The following CHN2 variants were observed in gnomAD, a reference collection of about 807,000 sequenced individuals.
CHN2 encodes beta-chimaerin.
In CHN2, 35 loss-of-function variants were observed where a neutral mutation model predicts 56.3. That is an observed-to-expected ratio of 0.62 (90% confidence interval 0.47 to 0.82). The LOEUF is 0.82. CHN2 is among the 40% of genes least tolerant of loss of function. CHN2 has a pLI of 0.00. For missense variants in CHN2, 491 were observed against 580.5 expected, an observed-to-expected ratio of 0.85 and a Z score of 1.58; for synonymous variants, 210 against 212.8, an observed-to-expected ratio of 0.99 and a Z score of 0.12.
intron 6 of CHN2, among the ~76,000 whole-genome samples, chr7:29,402,640 A>G (rs1007173726): frequency 6.6e-6 from 1 of 152,214 alleles, no homozygotes; most frequent in Non-Finnish European, 1.5e-5. Flanking sequence ...TGAAAAGGCA[A>G]TCTGTTACAA....
At chr7:29,357,078 C>T (rs570978541) in intron 2 of CHN2, among the ~76,000 whole-genome samples, 1 of 152,170 alleles carries the variant, frequency 6.6e-6, no homozygotes, top group East Asian at 1.9e-4. Flanking sequence ...CTTAAAAGTA[C>T]TTCTATGTCT....
At chr7:29,366,427 G>GGGT (rs1256652290) in intron 2 of CHN2, among the ~76,000 whole-genome samples, 1 of 152,158 alleles carries the variant, frequency 6.6e-6, no homozygotes, top group African/African-American at 2.4e-5. Flanking sequence ...AAGACCAGGA[G>GGGT]GGTGGTGCCA....
At chr7:29,418,072 A>G (rs1452357854) in intron 6 of CHN2, among the ~76,000 whole-genome samples, 1 of 152,228 alleles carries the variant, frequency 6.6e-6, no homozygotes, top group East Asian at 1.9e-4. Context: ...GAGATGAAGG[A>G]TTGCTGGAGC....
chr7:29,317,771 C>A (rs1795062084), intron 1 of CHN2, among the ~76,000 whole-genome samples: 1 of 152,060 alleles, frequency 6.6e-6, no homozygotes, highest in Non-Finnish European at 1.5e-5. Flanking sequence ...GGTGGATCAC[C>A]TGAGCTCAGG....
At chr7:29,470,850 C>T (rs1209888650) in intron 6 of CHN2, among the ~76,000 whole-genome samples, 1 of 152,174 alleles carries the variant, frequency 6.6e-6, no homozygotes, top group African/African-American at 2.4e-5. Context: ...TGTAGGAAAA[C>T]CCACATGTCA....
intron 1 of CHN2, among the ~76,000 whole-genome samples, chr7:29,318,831 A>G (rs1425000753): frequency 1.3e-5 from 2 of 152,234 alleles, no homozygotes; most frequent in East Asian, 3.8e-4. Context: ...GGGCCTAACA[A>G]TAGAGAAGAA....
chr7:29,484,443 A>C (rs1425323973), intron 7 of CHN2, among the ~76,000 whole-genome samples: 1 of 152,176 alleles, frequency 6.6e-6, no homozygotes, highest in East Asian at 1.9e-4. Context: ...GAGGCTCTGA[A>C]AGAGAAACTG....
intron 6 of CHN2, among the ~76,000 whole-genome samples, chr7:29,443,250 G>C (rs1406025990): frequency 6.6e-6 from 1 of 151,772 alleles, no homozygotes; most frequent in African/African-American, 2.4e-5. Context: ...CAATTTCATT[G>C]AATTTCTAAC....
chr7:29,492,492 A>G (rs1788772890), intron 7 of CHN2, among the ~76,000 whole-genome samples: 1 of 151,902 alleles, frequency 6.6e-6, no homozygotes, highest in Non-Finnish European at 1.5e-5. Flanking sequence ...AAACTCCATC[A>G]TTTCTCAACT....
chr7:29,300,241 G>A (rs1793551209), intron 1 of CHN2, among the ~76,000 whole-genome samples: 1 of 152,180 alleles, frequency 6.6e-6, no homozygotes, highest in Non-Finnish European at 1.5e-5. Context: ...TGTAGGATGA[G>A]GGAACCAGAT....
chr7:29,395,241 G>T (rs1173886765), intron 4 of CHN2, among the ~76,000 whole-genome samples: 1 of 152,180 alleles, frequency 6.6e-6, no homozygotes. Flanking sequence ...AATAAATTAT[G>T]GCTGGGCACA....
chr7:29,331,877 T>C (rs1344151650), intron 1 of CHN2, among the ~76,000 whole-genome samples: 1 of 152,014 alleles, frequency 6.6e-6, no homozygotes, highest in African/African-American at 2.4e-5. Context: ...CTGACCAACA[T>C]GGCACGTGCC....
chr7:29,502,831 A>G (rs1790121965), intron 9 of CHN2, among the ~76,000 whole-genome samples: 2 of 151,976 alleles, frequency 1.3e-5, no homozygotes, highest in South Asian at 4.2e-4. Flanking sequence ...TGCTGCACCT[A>G]TCAACCTGTC....
At chr7:29,439,538 TC>T (rs1224176615) in intron 6 of CHN2, among the ~76,000 whole-genome samples, 2 of 152,168 alleles carry the variant, frequency 1.3e-5, no homozygotes, top group African/African-American at 4.8e-5. Context: ...AAGAAGGTCT[TC>T]TTCAGCTGAC....
Position 29,194,896 on chromosome 7 carries a change from G to A in CHN2, c.-46G>A. The stretch of plus-strand genomic sequence containing the variant: ...GCCGGGCGAGGGCAGCGGCGGCGGC[G>A]TCCGCACCGGGGCTGAGCGAGCAGC... On this transcript the variant is annotated 5_prime_UTR_variant, in exon 1 of 13. Coordinates refer to ENST00000222792, the MANE Select transcript of CHN2 (RefSeq NM_004067.4). 1 of 1,442,932 alleles carries A rather than the reference G, an allele frequency of 6.9e-7. No individual in the cohort carries two copies. Among genetic ancestry groups the A allele is most frequent in the East Asian group, 2.9e-5 (1 of 34,272 alleles). The allele number at this position is 1,442,932 out of a possible 1,614,324, so 89.4% of individuals were successfully genotyped here. A position where few individuals can be genotyped will look rare whatever the true frequency, so the allele number is the denominator to read the frequency against.
chr7:29,212,404 A>C, intron 1 of CHN2: 1 of 1,607,416 alleles, frequency 6.2e-7, no homozygotes, highest in African/African-American at 1.3e-5. Context: ...GAAGAAAACT[A>C]TCCATCCTTG....
chr7:29,485,317 T>C (rs778529569), intron 7 of CHN2, among the ~76,000 whole-genome samples: 1 of 149,960 alleles, frequency 6.7e-6, no homozygotes, highest in Non-Finnish European at 1.5e-5. Context: ...AAAAAAAAAA[T>C]TGAGACTTTC....
intron 1 of CHN2, among the ~76,000 whole-genome samples, chr7:29,312,706 G>A (rs764401330): frequency 3.3e-5 from 5 of 152,082 alleles, no homozygotes; most frequent in Middle Eastern, 3.2e-3. Flanking sequence ...TCTCCTGCTT[G>A]AAGAATACAT....
chr7:29,311,478 G>C (rs778149081), intron 1 of CHN2, among the ~76,000 whole-genome samples: 4 of 152,214 alleles, frequency 2.6e-5, no homozygotes, highest in Admixed American at 1.3e-4. Context: ...CTGTATCCCT[G>C]TGAGGATCAT....
Sources: allele counts gnomAD v4.1 joint callset (sites outside exome capture counted in the v4.1 genomes callset), GRCh38; gene constraint gnomAD v4.1.1; transcripts MANE v1.5; gene names NCBI Gene and HGNC (gene_info 2026-07-23, HGNC 2026-07-21).